The following MTMR14 variants were observed in gnomAD, a reference collection of about 807,000 sequenced individuals.
The protein encoded by MTMR14 is myotubularin related protein 14.
MTMR14 carries 48 observed loss-of-function variants against 86.3 expected under a neutral mutation model. The observed-to-expected ratio is 0.56, with a 90% CI of 0.44 to 0.71. The LOEUF (loss-of-function observed/expected upper bound fraction) is 0.71. Among genes scored for constraint, MTMR14 ranks in the 30% least tolerant of loss-of-function variants. The pLI is 0.00. For synonymous variants in MTMR14, 366 were observed against 326.1 expected, an observed-to-expected ratio of 1.12 and a Z score of -1.32; for missense variants, 780 against 834.6, an observed-to-expected ratio of 0.93 and a Z score of 0.81.
intron 17 of MTMR14, among the ~76,000 whole-genome samples, chr3:9,696,361 G>A (rs987621728): frequency 2.0e-5 from 3 of 152,086 alleles, no homozygotes; most frequent in Non-Finnish European, 2.9e-5. Flanking sequence ...AAAATTAGCC[G>A]GGCATGGTGG....
chr3:9,694,940 G>T (rs2076240484), intron 17 of MTMR14, among the ~76,000 whole-genome samples: 2 of 152,194 alleles, frequency 1.3e-5, no homozygotes, highest in African/African-American at 4.8e-5. Flanking sequence ...CTAGGCAGAG[G>T]TCTGAGCCGC....
At chr3:9,661,167 A>G (rs1485684716) in intron 2 of MTMR14, among the ~76,000 whole-genome samples, 1 of 152,244 alleles carries the variant, frequency 6.6e-6, no homozygotes, top group East Asian at 1.9e-4. Flanking sequence ...GCAGAGGCCT[A>G]GAGCCATGTG....
At chr3:9,674,728 A>T (rs2048760044) in intron 7 of MTMR14, among the ~76,000 whole-genome samples, 1 of 152,244 alleles carries the variant, frequency 6.6e-6, no homozygotes, top group South Asian at 2.1e-4. Context: ...AACTAAGTAA[A>T]GGAAAATGTG....
chr3:9,693,317 T>A (rs7617347), intron 17 of MTMR14, among the ~76,000 whole-genome samples: 19,976 of 152,166 alleles, frequency 0.13, 1,657 homozygotes, highest in African/African-American at 0.24. Flanking sequence ...TCGAGATGAT[T>A]TAAAGCATAT....
At chr3:9,650,583 A>G (rs1574906138) in intron 1 of MTMR14, 3 of 315,780 alleles carry the variant, frequency 9.5e-6, no homozygotes, top group Non-Finnish European at 1.9e-5. Flanking sequence ...AACCCAGGGA[A>G]GACTTCAGTA....
At chr3:9,667,233 A>G (rs2048304917) in intron 3 of MTMR14, among the ~76,000 whole-genome samples, 1 of 152,238 alleles carries the variant, frequency 6.6e-6, no homozygotes, top group African/African-American at 2.4e-5. Flanking sequence ...TACAAATGCC[A>G]GTGGAACAGG....
intron 18 of MTMR14, among the ~76,000 whole-genome samples, chr3:9,699,120 C>T (rs529638086): frequency 4.2e-4 from 63 of 150,078 alleles, no homozygotes; most frequent in African/African-American, 6.6e-4. Context: ...TGCCGTGAGT[C>T]GAGATCATGC....
chr3:9,651,368 G>A (rs1316933034), intron 1 of MTMR14, among the ~76,000 whole-genome samples: 1 of 152,058 alleles, frequency 6.6e-6, no homozygotes, highest in Non-Finnish European at 1.5e-5. Flanking sequence ...CCCCCAAAAT[G>A]CTGGGATTAC....
chr3:9,653,742 A>T lies in MTMR14; in HGVS notation c.281A>T (p.Tyr94Phe). The T allele has an allele frequency of 6.2e-7, 1 of 1,614,186 alleles. No individual in the cohort carries two copies. Among genetic ancestry groups the T allele is most frequent in the Non-Finnish European group, 8.5e-7 (1 of 1,180,032 alleles). Reference protein sequence around the residue: ...HYPRHIVFLEYESSEKEKDTF... With the variant: ...HYPRHIVFLEFESSEKEKDTF... ...CCCCGGCACATCGTGTTCCTGGAGT[A>T]TGAGAGTTCTGAGAAGGAGAAAGAC... is the stretch of plus-strand genomic sequence containing the variant. The change falls in exon 2 of 19, where the codon TAT becomes TTT. Residue 94 changes from tyrosine to phenylalanine, a missense_variant. Coordinates refer to ENST00000296003, the MANE Select transcript of MTMR14 (RefSeq NM_001077525.3).
chr3:9,672,829 T>C (rs2048647867), intron 7 of MTMR14, 71 bp downstream of exon 7: 2 of 1,412,776 alleles, frequency 1.4e-6, no homozygotes, highest in African/African-American at 1.4e-5. Context: ...AAGCCCTCTC[T>C]ACTTAGTTAC....
At chr3:9,661,314 CAG>C (rs745909123) in intron 2 of MTMR14, among the ~76,000 whole-genome samples, 3 of 152,212 alleles carry the variant, frequency 2.0e-5, no homozygotes, top group Non-Finnish European at 4.4e-5. Flanking sequence ...TGTTCCACCT[CAG>C]ATCATGAGGC....
At chr3:9,679,153 G>A (rs1342475327) in intron 9 of MTMR14, among the ~76,000 whole-genome samples, 1 of 152,208 alleles carries the variant, frequency 6.6e-6, no homozygotes, top group Non-Finnish European at 1.5e-5. Context: ...TAATCACAAG[G>A]TTTATGCTCA....
intron 17 of MTMR14, among the ~76,000 whole-genome samples, chr3:9,693,184 C>G (rs2076185249): frequency 6.6e-6 from 1 of 152,236 alleles, no homozygotes; most frequent in Non-Finnish European, 1.5e-5. Flanking sequence ...TCTGTCGTTT[C>G]CACATCCATG....
rs77352360 is a variant in MTMR14, at chr3:9,688,681, G to A, written c.1236-15G>A. On this transcript the variant is annotated splice_polypyrimidine_tract_variant and intron_variant, in intron 14 of 18. Coordinates refer to ENST00000296003, the MANE Select transcript of MTMR14 (RefSeq NM_001077525.3). ...AGATAGATCTGGAATTTACTGCTCCGGCTTCCATTTCTAGGAGGAAGAGTT... is the reference window on the plus strand; with the variant it reads ...AGATAGATCTGGAATTTACTGCTCCAGCTTCCATTTCTAGGAGGAAGAGTT... 1,166 of 1,614,032 alleles carry A rather than the reference G, an allele frequency of 7.2e-4. 11 individuals carry two copies. In the East Asian group the frequency reaches 0.018, roughly 24 times the overall value.
In MTMR14 at chr3:9,674,610, ACT is replaced by A. The variant is rs939323687; in HGVS notation, c.751+1855_751+1856del. The stretch of plus-strand genomic sequence containing the variant: ...CAAGACCAGCCTGGGAAACAGCGAC[ACT>A]CTGTCTCTACCAAAAATAAAAAATA... On this transcript the variant is annotated intron_variant, in intron 7 of 18. Transcript: ENST00000296003. 3.3e-5 allele frequency among the ~76,000 whole-genome samples: 5 copies of A among 152,166 alleles called. 1 individual carries two copies. The highest frequency in any genetic ancestry group is 1.2e-4 in the African/African-American group (5 of 41,506).
intron 3 of MTMR14, among the ~76,000 whole-genome samples, chr3:9,663,906 A>G (rs1025344370): frequency 6.6e-6 from 1 of 151,740 alleles, no homozygotes; most frequent in African/African-American, 2.4e-5. Context: ...CTCCTGCCTC[A>G]GCCTCCCGAG....
In MTMR14 at chr3:9,668,785, T is replaced by C. The variant is rs770700324; in HGVS notation, c.484T>C (p.Phe162Leu). The C allele has an allele frequency of 6.2e-7, 1 of 1,614,090 alleles. No individual in the cohort carries two copies. The highest frequency in any genetic ancestry group is 8.5e-7 in the Non-Finnish European group (1 of 1,179,994). The change falls in exon 4 of 19, where the codon TTT becomes CTT. Residue 162 changes from phenylalanine to leucine, a missense_variant. Transcript: ENST00000296003. ...GTATGGACGCTCAGGCTACAACTAT[T>C]TTTTCTCAGGTGAATGTTGAACAGC... ...ELYGRSGYNY[F>L]FSGGADDAWA...
intron 2 of MTMR14, among the ~76,000 whole-genome samples, chr3:9,661,466 C>T (rs1452487864): frequency 6.6e-6 from 1 of 152,308 alleles, no homozygotes; most frequent in Non-Finnish European, 1.5e-5. Context: ...TGCTGCTCAC[C>T]TCCTGGTTCC....
At chr3:9,672,859 TC>T (rs1279427506) in intron 7 of MTMR14, 101 bp downstream of exon 7, 36 of 1,089,184 alleles carry the variant, frequency 3.3e-5, no homozygotes, top group Non-Finnish European at 5.0e-5. Context: ...CTGGGAGCTT[TC>T]CTGGAGGGTT....
Sources: allele counts gnomAD v4.1 joint callset (sites outside exome capture counted in the v4.1 genomes callset), GRCh38; gene constraint gnomAD v4.1.1; transcripts MANE v1.5; gene names NCBI Gene and HGNC (gene_info 2026-07-23, HGNC 2026-07-21).